ZNF777: variants seen among roughly 807,000 people sequenced by gnomAD.
ZNF777 encodes the protein zinc finger protein 777.
In ZNF777, 7 loss-of-function variants were observed where a neutral mutation model predicts 72.1. That is an observed-to-expected ratio of 0.10 (90% confidence interval 0.06 to 0.18). ZNF777 has a LOEUF of 0.18. ZNF777 is among the 10% of genes least tolerant of loss of function. The probability of loss-of-function intolerance (pLI) is 1.00; values close to 1 mark genes in which losing one functional copy is unlikely to be tolerated. For synonymous variants in ZNF777, 545 were observed against 483.5 expected (o/e 1.13, Z -1.67); for missense variants, 828 against 1,128.6 (o/e 0.73, Z 3.82).
rs147187686 is a variant in ZNF777, at chr7:149,436,666, C to T, written c.1248G>A (p.Gln416=). 494 of 1,614,140 alleles carry T rather than the reference C, an allele frequency of 3.1e-4. 5 individuals are homozygous for T. The East Asian group carries it at 0.01, about 34-fold the overall frequency. ...PCGEQPDLDM[Q]EPENTLEEST... is the part of the protein sequence containing the mutation. ...ACTCCTCCAGCGTGTTCTCTGGCTC[C>T]TGCATGTCCAGGTCTGGCTGTTCCC... Residue 416 remains glutamine (Q), a synonymous_variant, in exon 5 of 6, where the codon CAG becomes CAA. Coordinates refer to ENST00000247930, the MANE Select transcript of ZNF777 (RefSeq NM_015694.3). The surrounding 1 kb of genome is among the most constrained non-coding windows in gnomAD (Gnocchi z 5.0).
chr7:149,447,958 C>T (rs1799634043), intron 4 of ZNF777, among the ~76,000 whole-genome samples: 1 of 152,118 alleles, frequency 6.6e-6, no homozygotes, highest in Non-Finnish European at 1.5e-5. Context: ...GACACAGTAC[C>T]TGCTACCAAA....
chr7:149,456,282 T>C (rs1324385031), intron 1 of ZNF777, among the ~76,000 whole-genome samples: 2 of 152,118 alleles, frequency 1.3e-5, no homozygotes, highest in African/African-American at 4.8e-5. Flanking sequence ...ATCTCCTTTT[T>C]CACAACATAC....
At position 149,431,678 on chromosome 7, in the gene ZNF777, G is replaced by C. The variant is rs924342067; in HGVS notation, c.*98C>G. The C allele has an allele frequency of 1.2e-5, 14 of 1,125,172 alleles. No homozygotes were observed. The African/African-American group carries it at 2.2e-4, about 18-fold the overall frequency. The allele number at this position is 1,125,172 out of a possible 1,614,324, so 69.7% of individuals were successfully genotyped here. ...GGGGAGCTCACGGCAAAGGGGCTGG[G>C]GGGCGCCCCGCCCCCGCCCGCTGGG... is the stretch of plus-strand genomic sequence containing the variant. On this transcript the variant is annotated 3_prime_UTR_variant, in exon 6 of 6. Transcript: ENST00000247930.
chr7:149,437,780 C>A (rs1446344242), intron 4 of ZNF777, among the ~76,000 whole-genome samples: 1 of 147,224 alleles, frequency 6.8e-6, no homozygotes, highest in East Asian at 2.0e-4. Context: ...ACAACACATA[C>A]ACATTTATAT....
chr7:149,435,410 A>G (rs1218027174), intron 5 of ZNF777, among the ~76,000 whole-genome samples: 1 of 152,156 alleles, frequency 6.6e-6, no homozygotes, highest in Non-Finnish European at 1.5e-5. Flanking sequence ...GGCTCAAGCA[A>G]TCCTCCTGCT....
At chr7:149,440,610 G>A (rs1196414438) in intron 4 of ZNF777, among the ~76,000 whole-genome samples, 2 of 150,728 alleles carry the variant, frequency 1.3e-5, no homozygotes, top group East Asian at 2.0e-4. Context: ...TTCCCATCTC[G>A]GCCTCCCACA....
In ZNF777 at chr7:149,455,367, T is replaced by C; in HGVS notation, c.656A>G (p.Lys219Arg). ...LEGRTGTNEKKIADCEKTAVE... is the reference protein window; with the variant it reads ...LEGRTGTNEKRIADCEKTAVE... ...GGCTGTCTTCTCGCAGTCGGCTATC[T>C]TCTTTTCATTTGTCCCCGTCCTGCC... Residue 219 changes from lysine (K) to arginine (R), a missense_variant, in exon 2 of 6, where the codon AAG becomes AGG. Physicochemically the swap from Lys to Arg is conservative, Grantham distance 26. Around this residue, in one of 12 missense-constraint regions of ZNF777, gnomAD observed 76 missense variants for 157.3 expected, o/e 0.48. Coordinates refer to ENST00000247930, the MANE Select transcript of ZNF777 (RefSeq NM_015694.3). The surrounding 1 kb of genome is among the most constrained non-coding windows in gnomAD (Gnocchi z 4.2). 1.2e-6 allele frequency: 2 copies of C among 1,614,214 alleles called. No individual in the cohort carries two copies. The highest frequency in any genetic ancestry group is 1.7e-6 in the Non-Finnish European group (2 of 1,180,038).
intron 4 of ZNF777, 73 bp downstream of exon 4, chr7:149,450,926 T>A: frequency 1.5e-6 from 2 of 1,371,774 alleles, no homozygotes; most frequent in Non-Finnish European, 2.0e-6. Context: ...TGGATTGTGC[T>A]GCCTCATGCT....
chr7:149,444,910 G>C (rs1411630219), intron 4 of ZNF777, among the ~76,000 whole-genome samples: 2 of 152,156 alleles, frequency 1.3e-5, no homozygotes, highest in African/African-American at 2.4e-5. Flanking sequence ...GAAAATTACG[G>C]CTTTAATTGG....
intron 4 of ZNF777, among the ~76,000 whole-genome samples, chr7:149,441,236 G>A (rs950842496): frequency 6.6e-6 from 1 of 152,172 alleles, no homozygotes; most frequent in Non-Finnish European, 1.5e-5. Context: ...ATACATTGTG[G>A]GAATATAGTT....
Position 149,460,136 on chromosome 7 carries a change from G to T in ZNF777, c.-16+679C>A. 1 of 980,380 alleles carries T rather than the reference G, an allele frequency of 1.0e-6. No individual in the cohort carries two copies. Among genetic ancestry groups the T allele is most frequent in the Middle Eastern group, 5.2e-4 (1 of 1,912 alleles). 60.7% of individuals were successfully genotyped at this position (980,380 alleles called of 1,614,324 possible). On this transcript the variant is annotated intron_variant, in intron 1 of 5. Coordinates refer to ENST00000247930, the MANE Select transcript of ZNF777 (RefSeq NM_015694.3). This position sits in a 1 kb window ranked among gnomAD's most constrained non-coding sequence, Gnocchi z 6.1. ...GGCCGCCCTCACAGGAGCCGGGGCCGCCTCGGCCATGGCCCTGCGCTGTCC... is the reference window on the plus strand; with the variant it reads ...GGCCGCCCTCACAGGAGCCGGGGCCTCCTCGGCCATGGCCCTGCGCTGTCC...
Position 149,457,082 on chromosome 7 carries a change from T to C in ZNF777, c.-15-1045A>G, listed in dbSNP as rs75677105. 1.9e-3 allele frequency among the ~76,000 whole-genome samples: 289 copies of C among 152,286 alleles called. 1 individual carries two copies. Among genetic ancestry groups the C allele is most frequent in the African/African-American group, 6.5e-3 (271 of 41,562 alleles). ...GAAGTAGAGCAGAAGTCAGCTGGAC[T>C]GGTGACTTGTATCCAGATTTGGGGG... On this transcript the variant is annotated intron_variant, in intron 1 of 5. Coordinates refer to ENST00000247930, the MANE Select transcript of ZNF777 (RefSeq NM_015694.3).
In ZNF777 at chr7:149,453,255, A is replaced by T. The variant is rs570917351; in HGVS notation, c.973+856T>A. On this transcript the variant is annotated intron_variant, in intron 3 of 5. Coordinates refer to ENST00000247930, the MANE Select transcript of ZNF777 (RefSeq NM_015694.3). ...TTATATAAATCATTTAAATTGTTGA[A>T]TTTTCACAATTAAAAAACACAATTA... is the stretch of plus-strand genomic sequence containing the variant. 3.1e-3 allele frequency among the ~76,000 whole-genome samples: 470 copies of T among 152,272 alleles called. 1 individual carries two copies. Among genetic ancestry groups the T allele is most frequent in the African/African-American group, 0.011 (442 of 41,548 alleles).
At position 149,431,602 on chromosome 7, in the gene ZNF777, G is replaced by C. The variant is rs1799305827; in HGVS notation, c.*174C>G. 2.9e-6 allele frequency: 2 copies of C among 679,114 alleles called. No individual in the cohort carries two copies. The highest frequency in any genetic ancestry group is 4.5e-6 in the Non-Finnish European group (2 of 442,268). The allele number at this position is 679,114 out of a possible 1,614,324, so 42.1% of individuals were successfully genotyped here. The stretch of plus-strand genomic sequence containing the variant: ...GCCCCCGGGGAAACGCGGCAGCAAG[G>C]GACCTGGTCTCACTGCCCCCATGTC... On this transcript the variant is annotated 3_prime_UTR_variant, in exon 6 of 6. Coordinates refer to ENST00000247930, the MANE Select transcript of ZNF777 (RefSeq NM_015694.3).
chr7:149,436,934 T>C lies in ZNF777; in HGVS notation c.1088-108A>G. 7.3e-7 allele frequency: 1 copy of C among 1,364,146 alleles called. No individual in the cohort carries two copies. Among genetic ancestry groups the C allele is most frequent in the Non-Finnish European group, 1.0e-6 (1 of 1,000,894 alleles). 84.5% of individuals were successfully genotyped at this position (1,364,146 alleles called of 1,614,324 possible). On this transcript the variant is annotated intron_variant, in intron 4 of 5. Coordinates refer to ENST00000247930, the MANE Select transcript of ZNF777 (RefSeq NM_015694.3). The surrounding 1 kb of genome is among the most constrained non-coding windows in gnomAD (Gnocchi z 5.0). Reference sequence around the variant, plus strand: ...ATTTACATCTCAATAAGTCTTATCTTAGAGACCCTGAAGAAATGTAATATT... The same window carrying C: ...ATTTACATCTCAATAAGTCTTATCTCAGAGACCCTGAAGAAATGTAATATT...
intron 4 of ZNF777, among the ~76,000 whole-genome samples, chr7:149,448,531 A>G (rs1486041374): frequency 7.1e-6 from 1 of 141,530 alleles, no homozygotes; most frequent in Non-Finnish European, 1.5e-5. Flanking sequence ...AGTTATACAT[A>G]TAGTTATATA....
intron 4 of ZNF777, among the ~76,000 whole-genome samples, chr7:149,442,618 TAAAA>T (rs552079135): frequency 7.9e-6 from 1 of 125,952 alleles, no homozygotes; most frequent in Non-Finnish European, 1.7e-5. Flanking sequence ...AGACTCTGTC[TAAAA>T]AAAAAAAAAA....
At chr7:149,443,867 A>T (rs971739719) in intron 4 of ZNF777, among the ~76,000 whole-genome samples, 1 of 152,228 alleles carries the variant, frequency 6.6e-6, no homozygotes, top group African/African-American at 2.4e-5. Context: ...TGTTGGGATT[A>T]GAGGCGCGAG....
chr7:149,444,712 T>C (rs1182207447), intron 4 of ZNF777, among the ~76,000 whole-genome samples: 3 of 152,272 alleles, frequency 2.0e-5, no homozygotes, highest in African/African-American at 7.2e-5. Context: ...ACTACTCTAC[T>C]GTCTTCTAGC....
Sources: allele counts gnomAD v4.1 joint callset (sites outside exome capture counted in the v4.1 genomes callset), GRCh38; gene constraint gnomAD v4.1.1; regional missense constraint gnomAD v4.1.1; non-coding constraint Gnocchi (gnomAD v3.1); transcripts MANE v1.5; gene names NCBI Gene and HGNC (gene_info 2026-07-23, HGNC 2026-07-21).